OPCML: variants seen among roughly 807,000 people sequenced by gnomAD.
OPCML encodes the protein opioid-binding protein/cell adhesion molecule.
In OPCML, 13 loss-of-function variants were observed where a neutral mutation model predicts 37.8. That is an observed-to-expected ratio of 0.34 (90% confidence interval 0.22 to 0.55). OPCML has a LOEUF of 0.55. Ranked by LOEUF, OPCML falls within the 20% of genes least tolerant of loss-of-function variation. The probability of loss-of-function intolerance (pLI) is 0.91; values close to 1 mark genes in which losing one functional copy is unlikely to be tolerated. For synonymous variants in OPCML, 176 were observed against 168.8 expected, an observed-to-expected ratio of 1.04 and a Z score of -0.33; for missense variants, 341 against 435.6, an observed-to-expected ratio of 0.78 and a Z score of 1.93.
chr11:132,764,735 C>G (rs1362364533), intron 2 of OPCML, among the ~76,000 whole-genome samples: 1 of 152,206 alleles, frequency 6.6e-6, no homozygotes, highest in Non-Finnish European at 1.5e-5. Flanking sequence ...TCTGTTAGCT[C>G]TTTGAGCCTC....
intron 2 of OPCML, among the ~76,000 whole-genome samples, chr11:132,815,147 C>G (rs971681750): frequency 6.6e-6 from 1 of 152,118 alleles, no homozygotes; most frequent in African/African-American, 2.4e-5. Flanking sequence ...CTTTTTGCGT[C>G]CAAATTCACC....
intron 3 of OPCML, among the ~76,000 whole-genome samples, chr11:132,600,142 T>C (rs1177048004): frequency 2.6e-5 from 4 of 152,268 alleles, no homozygotes; most frequent in African/African-American, 9.6e-5. Context: ...TCTAGGCATC[T>C]TGACTGAACC....
chr11:132,516,086 C>T (rs865816517), intron 4 of OPCML, among the ~76,000 whole-genome samples: 4 of 152,162 alleles, frequency 2.6e-5, no homozygotes, highest in Non-Finnish European at 5.9e-5. Context: ...TGATTGGACA[C>T]GAATTGAAAA....
intron 2 of OPCML, among the ~76,000 whole-genome samples, chr11:132,723,356 G>A (rs1944749903): frequency 6.6e-6 from 1 of 152,280 alleles, no homozygotes; most frequent in African/African-American, 2.4e-5. Context: ...AAGAGCATGG[G>A]CTTTGAGCCA....
At chr11:133,488,663 G>A (rs895871211) in intron 1 of OPCML, among the ~76,000 whole-genome samples, 11 of 152,096 alleles carry the variant, frequency 7.2e-5, no homozygotes, top group African/African-American at 2.2e-4. Context: ...GCAATCTACA[G>A]ATTCAATGCA....
chr11:133,161,179 G>A (rs1206764118), intron 1 of OPCML, among the ~76,000 whole-genome samples: 4 of 152,218 alleles, frequency 2.6e-5, no homozygotes, highest in African/African-American at 9.6e-5. Context: ...TTGGGACTGA[G>A]GGGAAGTTGG....
chr11:132,941,780 G>A (rs895071556), intron 2 of OPCML, among the ~76,000 whole-genome samples: 5 of 152,154 alleles, frequency 3.3e-5, no homozygotes, highest in African/African-American at 1.2e-4. Flanking sequence ...ACCCAAAGTG[G>A]CAGAATCCAA....
intron 1 of OPCML, among the ~76,000 whole-genome samples, chr11:133,098,949 G>A (rs1288201580): frequency 6.6e-6 from 1 of 152,088 alleles, no homozygotes; most frequent in Non-Finnish European, 1.5e-5. Context: ...ACAAAAAAGA[G>A]AAACCAACTT....
chr11:132,530,763 C>T (rs989751103), intron 3 of OPCML, among the ~76,000 whole-genome samples: 1 of 152,142 alleles, frequency 6.6e-6, no homozygotes, highest in African/African-American at 2.4e-5. Flanking sequence ...CAAACCTCAT[C>T]TCAGGCCCTG....
chr11:132,806,088 TA>T (rs1277596377), intron 2 of OPCML, among the ~76,000 whole-genome samples: 1 of 151,932 alleles, frequency 6.6e-6, no homozygotes, highest in Non-Finnish European at 1.5e-5. Context: ...AGAAACCATA[TA>T]AAAATTTTAA....
chr11:133,136,780 T>A (rs1281945480), intron 1 of OPCML, among the ~76,000 whole-genome samples: 1 of 151,344 alleles, frequency 6.6e-6, no homozygotes, highest in Non-Finnish European at 1.5e-5. Context: ...GAACCTAAAA[T>A]GTTGGGCTTT....
chr11:133,314,142 G>A (rs1270753583), intron 1 of OPCML, among the ~76,000 whole-genome samples: 1 of 148,288 alleles, frequency 6.7e-6, no homozygotes. Flanking sequence ...GGCTGAGGCA[G>A]GAGAATGGCG....
intron 4 of OPCML, among the ~76,000 whole-genome samples, chr11:132,496,035 C>T (rs532688846): frequency 2.6e-5 from 4 of 152,234 alleles, no homozygotes; most frequent in African/African-American, 9.6e-5. Flanking sequence ...AAAAATCAGC[C>T]CATGTCCCTG....
intron 1 of OPCML, among the ~76,000 whole-genome samples, chr11:133,469,347 G>C (rs999109234): frequency 1.3e-5 from 2 of 152,196 alleles, no homozygotes; most frequent in East Asian, 3.8e-4. Flanking sequence ...TCAGCACAGT[G>C]ACATGCTGTG....
At chr11:132,820,100 AAT>A (rs1256052927) in intron 2 of OPCML, among the ~76,000 whole-genome samples, 285 of 139,350 alleles carry the variant, frequency 2.0e-3, no homozygotes, top group African/African-American at 7.6e-3. Flanking sequence ...TGAATGAATG[AAT>A]GAAAGAAACC....
chr11:132,937,586 C>CGT (rs1322575569), intron 2 of OPCML, among the ~76,000 whole-genome samples: 2 of 99,576 alleles, frequency 2.0e-5, no homozygotes, highest in African/African-American at 7.6e-5. Context: ...GTGTGTGTGG[C>CGT]GTGTGTGGGG....
Position 132,851,430 on chromosome 11 carries a change from A to G in OPCML, c.146+91496T>C, listed in dbSNP as rs57022791. On this transcript the variant is annotated intron_variant, in intron 2 of 7. Coordinates refer to ENST00000524381, the MANE Select transcript of OPCML (RefSeq NM_001012393.5). ...GAGAGGCAAGGGCTGCCATACTAAG[A>G]GGCTCTGCTGGGTGGTGCAGTGTGG... 7.2e-3 allele frequency among the ~76,000 whole-genome samples: 1,093 copies of G among 152,274 alleles called. 21 individuals carry two copies. The highest frequency in any genetic ancestry group is 0.024 in the African/African-American group (977 of 41,554).
chr11:133,348,363 C>T (rs183487766), intron 1 of OPCML, among the ~76,000 whole-genome samples: 4 of 152,314 alleles, frequency 2.6e-5, no homozygotes, highest in East Asian at 3.9e-4. Context: ...AATGCAATGT[C>T]GTGCATCGAG....
chr11:132,937,472 G>C (rs1351812821), intron 2 of OPCML, among the ~76,000 whole-genome samples: 1 of 144,590 alleles, frequency 6.9e-6, no homozygotes, highest in Non-Finnish European at 1.5e-5. Context: ...GCTTCAAACA[G>C]GGGGACAGAG....
Sources: allele counts gnomAD v4.1 joint callset (sites outside exome capture counted in the v4.1 genomes callset), GRCh38; gene constraint gnomAD v4.1.1; transcripts MANE v1.5; gene names NCBI Gene and HGNC (gene_info 2026-07-23, HGNC 2026-07-21).